Variants in SEL1L3 observed in about 807,000 individuals in gnomAD.
The protein encoded by SEL1L3 is protein sel-1 homolog 3.
In SEL1L3, 76 loss-of-function variants were observed where a neutral mutation model predicts 142.8. The ratio of observed to expected loss-of-function variants is 0.53; its 90% CI spans 0.44 to 0.64. The LOEUF is 0.64. Among genes scored for constraint, SEL1L3 ranks in the 30% least tolerant of loss-of-function variants. The pLI, the probability that SEL1L3 is intolerant of heterozygous loss-of-function variation, is 0.00. For synonymous variants in SEL1L3, 504 were observed against 519.6 expected, an observed-to-expected ratio of 0.97 and a Z score of 0.41; for missense variants, 1,262 against 1,381.7, an observed-to-expected ratio of 0.91 and a Z score of 1.37.
At chr4:25,848,686 T>C (rs1489443872) in intron 1 of SEL1L3, among the ~76,000 whole-genome samples, 2 of 152,182 alleles carry the variant, frequency 1.3e-5, no homozygotes, top group Non-Finnish European at 2.9e-5. Context: ...GTGGCTATTA[T>C]TAAACACACA....
chr4:25,738,030 C>T, the SEL1L3 span, among the ~76,000 whole-genome samples: 1 of 152,082 alleles, frequency 6.6e-6, no homozygotes, highest in African/African-American at 2.4e-5. Flanking sequence ...GCTGGGATTA[C>T]AGTTACGTGC....
intron 13 of SEL1L3, among the ~76,000 whole-genome samples, chr4:25,787,247 G>A (rs895157237): frequency 2.5e-4 from 38 of 152,308 alleles, no homozygotes; most frequent in African/African-American, 7.5e-4. Flanking sequence ...TACCAACCTC[G>A]TAAGTTGGTT....
rs183260453 is a variant in SEL1L3, at chr4:25,806,205, A to T, written c.1565-1453T>A. 1.4e-3 allele frequency among the ~76,000 whole-genome samples: 218 copies of T among 151,718 alleles called. 1 individual carries two copies. The Middle Eastern group carries it at 0.017, about 12-fold the overall frequency. On this transcript the variant is annotated intron_variant, in intron 9 of 23. Transcript: ENST00000399878. ...AGGCGCCCGCCAGCACGCCCGGCTA[A>T]TTTTTTGTATTTTAGTAGAGAGAGG...
chr4:25,718,846 T>C, the SEL1L3 span: 2 of 152,176 alleles, frequency 1.3e-5, no homozygotes, highest in Non-Finnish European at 2.9e-5. Flanking sequence ...TCATATAAGA[T>C]TATTGGATCA....
chr4:25,788,659 G>A lies in SEL1L3; in HGVS notation c.2077-295C>T, dbSNP rs935120746. 7.3e-5 allele frequency among the ~76,000 whole-genome samples: 11 copies of A among 150,650 alleles called. No homozygotes were observed. Among genetic ancestry groups the A allele is most frequent in the African/African-American group, 2.2e-4 (9 of 41,030 alleles). On this transcript the variant is annotated intron_variant, in intron 12 of 23. Coordinates refer to ENST00000399878, the MANE Select transcript of SEL1L3 (RefSeq NM_015187.5). This position sits in a 1 kb window ranked among gnomAD's most constrained non-coding sequence, Gnocchi z 5.3. The stretch of plus-strand genomic sequence containing the variant: ...CAGGACCAGGGCTAGCTGGAACTTC[G>A]TCAATAATCAGAACTCCTCAAATGG...
At chr4:25,770,949 G>A (rs1007798861) in intron 17 of SEL1L3, among the ~76,000 whole-genome samples, 8 of 152,108 alleles carry the variant, frequency 5.3e-5, no homozygotes, top group Admixed American at 5.2e-4. Context: ...CAATGCCTCT[G>A]CAGAAACCCT....
chr4:25,736,525 G>A, the SEL1L3 span, among the ~76,000 whole-genome samples: 1 of 152,062 alleles, frequency 6.6e-6, no homozygotes, highest in Non-Finnish European at 1.5e-5. Context: ...CACCTGGCCA[G>A]ATTTCTATAG....
intron 23 of SEL1L3, chr4:25,756,002 G>A: frequency 6.1e-6 from 6 of 985,392 alleles, no homozygotes; most frequent in Non-Finnish European, 7.2e-6. Context: ...AGGTTTTGAT[G>A]GGTCCTTGTT....
intron 17 of SEL1L3, 135 bp from the exon 18 acceptor site, chr4:25,767,965 A>T (rs981120660): frequency 1.5e-5 from 9 of 620,390 alleles, no homozygotes; most frequent in Admixed American, 6.0e-5. Flanking sequence ...GAGTTTTTTT[A>T]AAAATAAATA....
At chr4:25,862,616 C>G in intron 1 of SEL1L3, 59 bp downstream of exon 1, 1 of 997,922 alleles carries the variant, frequency 1.0e-6, no homozygotes, top group Non-Finnish European at 1.3e-6. Context: ...CGGCCGCCCC[C>G]ACCCGCGTCC....
intron 9 of SEL1L3, 58 bp from the exon 10 acceptor site, chr4:25,804,810 T>G: frequency 7.5e-7 from 1 of 1,330,882 alleles, no homozygotes; most frequent in Non-Finnish European, 1.1e-6. Context: ...CGATGTGGCT[T>G]TAGAAAAAGA....
intron 17 of SEL1L3, among the ~76,000 whole-genome samples, chr4:25,769,192 G>A (rs888709918): frequency 4.6e-5 from 7 of 152,108 alleles, no homozygotes; most frequent in African/African-American, 1.4e-4. Flanking sequence ...TCGGTGAGGG[G>A]GAGTAAGGGA....
chr4:25,744,274 G>A (rs1268764605), downstream of SEL1L3, among the ~76,000 whole-genome samples: 1 of 150,520 alleles, frequency 6.6e-6, no homozygotes, highest in African/African-American at 2.4e-5. Flanking sequence ...ACCTCAGAAT[G>A]TGACAGTATT....
intron 9 of SEL1L3, among the ~76,000 whole-genome samples, chr4:25,813,107 G>A (rs76686315): frequency 6.6e-6 from 1 of 152,186 alleles, no homozygotes; most frequent in Non-Finnish European, 1.5e-5. Context: ...GGAATATAAA[G>A]GGTCCAGCTG....
At chr4:25,743,741 T>A (rs1307804613), downstream of SEL1L3, among the ~76,000 whole-genome samples, 1 of 152,194 alleles carries the variant, frequency 6.6e-6, no homozygotes, top group African/African-American at 2.4e-5. Context: ...TTGAATAGAC[T>A]GGGAGGCAGG....
chr4:25,808,598 T>C (rs1291464165), intron 9 of SEL1L3, among the ~76,000 whole-genome samples: 2 of 151,870 alleles, frequency 1.3e-5, no homozygotes, highest in African/African-American at 4.8e-5. Flanking sequence ...GTGTAATGCA[T>C]CCAAGGTAGA....
intron 11 of SEL1L3, among the ~76,000 whole-genome samples, chr4:25,799,049 C>T (rs186474284): frequency 6.6e-6 from 1 of 152,140 alleles, no homozygotes; most frequent in Admixed American, 6.5e-5. Flanking sequence ...ATGTGGTCAT[C>T]CGTCTGTGTT....
intron 9 of SEL1L3, among the ~76,000 whole-genome samples, chr4:25,813,693 A>G (rs1714183081): frequency 1.3e-5 from 2 of 152,234 alleles, no homozygotes. Context: ...TTCAGATGGC[A>G]AATTTTGTTA....
intron 17 of SEL1L3, among the ~76,000 whole-genome samples, chr4:25,772,844 C>G (rs989494137): frequency 2.0e-5 from 3 of 152,156 alleles, no homozygotes; most frequent in South Asian, 2.1e-4. Flanking sequence ...GTTGCCCAGG[C>G]TGGAATGCAG....
Sources: gnomAD v4.1 joint callset for allele counts (sites outside exome capture counted in the v4.1 genomes callset) on GRCh38, gnomAD v4.1.1 for gene constraint, Gnocchi (gnomAD v3.1) non-coding constraint, MANE v1.5 for transcripts, NCBI Gene and HGNC (gene_info 2026-07-23, HGNC 2026-07-21) for gene names.